RNF38: variants seen among roughly 807,000 people sequenced by gnomAD.
The protein encoded by RNF38 is E3 ubiquitin-protein ligase RNF38.
In RNF38, 15 loss-of-function variants were observed where a neutral mutation model predicts 67.2. The ratio of observed to expected loss-of-function variants is 0.22; its 90% CI spans 0.15 to 0.34. The LOEUF (loss-of-function observed/expected upper bound fraction) is 0.34, where lower values mean the gene tolerates loss of function less well. Ranked by LOEUF, RNF38 falls within the 10% of genes least tolerant of loss-of-function variation. RNF38 has a pLI of 1.00. For missense variants in RNF38, 524 were observed against 639.9 expected (o/e 0.82, Z 1.95); for synonymous variants, 220 against 218.8 (o/e 1.01, Z -0.05).
At chr9:36,432,715 C>A (rs888226754) in intron 1 of RNF38, among the ~76,000 whole-genome samples, 3 of 152,150 alleles carry the variant, frequency 2.0e-5, no homozygotes, top group African/African-American at 7.2e-5. Flanking sequence ...ATCACTTGAA[C>A]CCAGGAGGCG....
intron 4 of RNF38, among the ~76,000 whole-genome samples, chr9:36,360,819 C>T (rs1834470028): frequency 6.6e-6 from 1 of 152,230 alleles, no homozygotes; most frequent in African/African-American, 2.4e-5. Flanking sequence ...ACTGCACACA[C>T]ATTTTTTTTG....
intron 1 of RNF38, among the ~76,000 whole-genome samples, chr9:36,458,805 C>T (rs1839654504): frequency 6.6e-6 from 1 of 152,188 alleles, no homozygotes; most frequent in Non-Finnish European, 1.5e-5. Flanking sequence ...ATTGAGAAAC[C>T]ATAAGTTCAC....
At chr9:36,460,790 G>A (rs562073446) in intron 1 of RNF38, among the ~76,000 whole-genome samples, 2 of 151,104 alleles carry the variant, frequency 1.3e-5, no homozygotes, top group East Asian at 3.9e-4. Context: ...AGGAGGCTGA[G>A]GCAGAAGAAT....
chr9:36,453,895 T>C (rs1364259697), intron 1 of RNF38, among the ~76,000 whole-genome samples: 1 of 152,198 alleles, frequency 6.6e-6, no homozygotes, highest in African/African-American at 2.4e-5. Flanking sequence ...TACTGAAATA[T>C]TTATAGATAA....
At chr9:36,351,803 C>T (rs10814377) in intron 8 of RNF38, among the ~76,000 whole-genome samples, 61,288 of 151,936 alleles carry the variant, frequency 0.4, 12,739 homozygotes, top group Middle Eastern at 0.54. Context: ...GTTATACGTG[C>T]CACTTCTGGG....
chr9:36,400,747 G>A (rs1349795934), upstream of RNF38: 3 of 985,474 alleles, frequency 3.0e-6, no homozygotes, highest in African/African-American at 3.5e-5. Flanking sequence ...CCATCACACG[G>A]GCCGCGCCAG....
chr9:36,478,658 A>C (rs1327641162), intron 1 of RNF38, among the ~76,000 whole-genome samples: 1 of 151,514 alleles, frequency 6.6e-6, no homozygotes, highest in Non-Finnish European at 1.5e-5. Context: ...TCGCTACTAA[A>C]AATACAAAAT....
chr9:36,428,037 A>T (rs868176968), intron 1 of RNF38, among the ~76,000 whole-genome samples: 1 of 151,876 alleles, frequency 6.6e-6, no homozygotes, highest in Middle Eastern at 3.4e-3. Context: ...AAACTGTGAG[A>T]AATAAATTTC....
intron 1 of RNF38, among the ~76,000 whole-genome samples, chr9:36,460,546 A>G (rs1839703242): frequency 6.6e-6 from 1 of 152,144 alleles, no homozygotes; most frequent in East Asian, 1.9e-4. Context: ...AGAACACTTA[A>G]TGGACTGGAA....
chr9:36,379,344 TCA>T (rs756559592), intron 2 of RNF38, among the ~76,000 whole-genome samples: 15 of 152,234 alleles, frequency 9.9e-5, no homozygotes, highest in Admixed American at 2.0e-4. Flanking sequence ...AAAGAAATTC[TCA>T]CAGTTTCCAG....
chr9:36,465,449 C>T (rs1364004823), intron 1 of RNF38, among the ~76,000 whole-genome samples: 1 of 152,162 alleles, frequency 6.6e-6, no homozygotes, highest in African/African-American at 2.4e-5. Context: ...CAGGTTCAAG[C>T]GATTCTCCTG....
intron 1 of RNF38, among the ~76,000 whole-genome samples, chr9:36,395,027 G>C (rs1837413054): frequency 1.3e-5 from 2 of 152,146 alleles, no homozygotes; most frequent in African/African-American, 4.8e-5. Flanking sequence ...CATGTTTAAT[G>C]TCTATTTCCA....
At chr9:36,420,207 A>C (rs1838583780) in intron 2 of RNF38, among the ~76,000 whole-genome samples, 1 of 152,082 alleles carries the variant, frequency 6.6e-6, no homozygotes, top group South Asian at 2.1e-4. Context: ...AGCAGTCCCT[A>C]CTTCAAAGGG....
chr9:36,429,243 T>C (rs183510843), intron 1 of RNF38, among the ~76,000 whole-genome samples: 1 of 152,346 alleles, frequency 6.6e-6, no homozygotes, highest in Admixed American at 6.5e-5. Flanking sequence ...CATTGCCTTC[T>C]TCTCTATCCC....
intron 2 of RNF38, chr9:36,424,535 CCA>C (rs1838720975): frequency 1.9e-6 from 1 of 529,250 alleles, no homozygotes; most frequent in South Asian, 8.2e-5. Flanking sequence ...TGCCCTAGGC[CCA>C]GAGTTACGCA....
intron 6 of RNF38, among the ~76,000 whole-genome samples, chr9:36,355,843 G>A (rs552954568): frequency 3.9e-5 from 6 of 152,086 alleles, no homozygotes; most frequent in South Asian, 4.2e-4. Context: ...AAGTTATTAC[G>A]TTTGTTTGTT....
At position 36,356,304 on chromosome 9, in the gene RNF38, G is replaced by A. The variant is rs1464254366; in HGVS notation, c.908C>T (p.Ser303Leu). 3.7e-6 allele frequency: 6 copies of A among 1,613,764 alleles called. No homozygotes were observed. The highest frequency in any genetic ancestry group is 3.3e-5 in the South Asian group (3 of 91,058). ...TGACATAATAGTAGAGATACCTACC[G>A]ATCGTGATTGCTGTGTTTGGAAAGG... ...FVPFQTQQSRSPLQRIENEVE... is the reference protein window; with the variant it reads ...FVPFQTQQSRLPLQRIENEVE... Residue 303 changes from serine to leucine, a missense_variant and splice_region_variant, in exon 6 of 12, where the codon TCG becomes TTG. Transcript: ENST00000259605.
At chr9:36,401,275 G>C (rs1838018959), upstream of RNF38, 4 of 977,026 alleles carry the variant, frequency 4.1e-6, no homozygotes, top group Non-Finnish European at 4.9e-6. Context: ...AGAGCTCCGC[G>C]CGCAGCACCA....
chr9:36,422,002 TG>T (rs1322745120), intron 2 of RNF38, among the ~76,000 whole-genome samples: 4 of 152,080 alleles, frequency 2.6e-5, no homozygotes, highest in African/African-American at 9.7e-5. Flanking sequence ...GAGGCTGAGT[TG>T]GGTGGATCAC....
Sources: allele counts gnomAD v4.1 joint callset (sites outside exome capture counted in the v4.1 genomes callset), GRCh38; gene constraint gnomAD v4.1.1; transcripts MANE v1.5; gene names NCBI Gene and HGNC (gene_info 2026-07-23, HGNC 2026-07-21).